MTHFD1L: variants seen among roughly 807,000 people sequenced by gnomAD.
MTHFD1L encodes the protein monofunctional C1-tetrahydrofolate synthase, mitochondrial.
MTHFD1L carries 81 observed loss-of-function variants against 119.5 expected under a neutral mutation model. The ratio of observed to expected loss-of-function variants is 0.68; its 90% confidence interval spans 0.57 to 0.82. The LOEUF (loss-of-function observed/expected upper bound fraction) is 0.82. MTHFD1L is among the 40% of genes least tolerant of loss of function. The pLI is 0.00. For missense variants in MTHFD1L, 1,125 were observed against 1,253.4 expected, an observed-to-expected ratio of 0.90 and a Z score of 1.55; for synonymous variants, 430 against 475.2, an observed-to-expected ratio of 0.90 and a Z score of 1.24.
intron 27 of MTHFD1L, among the ~76,000 whole-genome samples, chr6:151,093,462 G>T (rs1794627486): frequency 1.3e-5 from 2 of 152,032 alleles, no homozygotes. Flanking sequence ...TTCAAGACCA[G>T]CCTGGCCAAG....
chr6:150,967,770 C>T (rs938952955), intron 19 of MTHFD1L, among the ~76,000 whole-genome samples: 2 of 152,138 alleles, frequency 1.3e-5, no homozygotes, highest in African/African-American at 4.8e-5. Context: ...TGCCAGCACG[C>T]CCCACCTGCA....
At chr6:151,043,477 G>A (rs1213099890) in intron 26 of MTHFD1L, among the ~76,000 whole-genome samples, 1 of 151,960 alleles carries the variant, frequency 6.6e-6, no homozygotes, top group African/African-American at 2.4e-5. Flanking sequence ...ATGTTGGCCA[G>A]GCTGGTCTCA....
intron 4 of MTHFD1L, 81 bp downstream of exon 4, chr6:150,877,907 G>T (rs1780724037): frequency 6.6e-7 from 1 of 1,521,552 alleles, no homozygotes. Flanking sequence ...CTTAGTGGTG[G>T]CTGGGACAGA....
chr6:150,922,143 T>G (rs887166119), intron 9 of MTHFD1L, 62 bp from the exon 10 acceptor site: 3 of 1,197,528 alleles, frequency 2.5e-6, no homozygotes, highest in Admixed American at 3.4e-5. Flanking sequence ...TTCCATGGTT[T>G]AAGTGTGTGC....
Position 150,888,619 on chromosome 6 carries a change from G to T in MTHFD1L, c.780+638G>T, listed in dbSNP as rs558931746. Among the ~76,000 whole-genome samples the T allele has an allele frequency of 3.4e-4, 52 of 152,256 alleles. No homozygotes were observed. The Middle Eastern group carries it at 0.01, about 30-fold the overall frequency. ...CATGGAGAAGATGCAATATCTTAAA[G>T]ATACTAATTGTCTGCAAATTTTGTA... On this transcript the variant is annotated intron_variant, in intron 7 of 27. Transcript: ENST00000367321.
chr6:151,036,113 A>G (rs1036119136), intron 25 of MTHFD1L, among the ~76,000 whole-genome samples: 5 of 152,218 alleles, frequency 3.3e-5, no homozygotes, highest in African/African-American at 1.2e-4. Context: ...TCTATCAAGG[A>G]AATATTCCTT....
intron 13 of MTHFD1L, among the ~76,000 whole-genome samples, chr6:150,944,108 T>G (rs578093477): frequency 6.6e-6 from 1 of 152,346 alleles, no homozygotes; most frequent in East Asian, 1.9e-4. Context: ...TTTTCTGATT[T>G]AGGCATTCCT....
intron 26 of MTHFD1L, among the ~76,000 whole-genome samples, chr6:151,083,971 A>G (rs1295503430): frequency 2.0e-5 from 3 of 152,218 alleles, no homozygotes; most frequent in Non-Finnish European, 4.4e-5. Flanking sequence ...GATATGGTGC[A>G]TACAACGTGC....
intron 13 of MTHFD1L, among the ~76,000 whole-genome samples, chr6:150,943,064 C>T (rs879408555): frequency 3.3e-5 from 5 of 151,808 alleles, no homozygotes; most frequent in Non-Finnish European, 7.4e-5. Context: ...GGGCAGATCA[C>T]AAGGTCAGGA....
chr6:151,014,978 C>A lies in MTHFD1L; in HGVS notation c.2406C>A (p.Phe802Leu). Residue 802 changes from phenylalanine (F) to leucine (L), a missense_variant and splice_region_variant, in exon 23 of 28, where the codon TTC (phenylalanine) becomes TTA (leucine). Physicochemically the swap from Phe to Leu is conservative, Grantham distance 22. This residue lies in a region of MTHFD1L where 1,058 missense variants were observed against 1,151.2 expected (regional missense o/e 0.92). Coordinates refer to ENST00000367321, the MANE Select transcript of MTHFD1L (RefSeq NM_015440.5). ...GVPVVVALNV[F>L]KTDTRAEIDL... The stretch of plus-strand genomic sequence containing the variant: ...CCGTTGTGGTGGCTCTGAATGTCTT[C>A]AAGTAAGTCCAGCCTCCTCCTTTAA... 5 of 1,613,542 alleles carry A rather than the reference C, an allele frequency of 3.1e-6. No individual in the cohort carries two copies. Among genetic ancestry groups the A allele is most frequent in the Non-Finnish European group, 4.2e-6 (5 of 1,179,570 alleles).
chr6:150,959,782 G>A (rs937778780), intron 17 of MTHFD1L, among the ~76,000 whole-genome samples: 10 of 152,198 alleles, frequency 6.6e-5, no homozygotes, highest in African/African-American at 1.9e-4. Flanking sequence ...GAGGTGGCCC[G>A]TAGGCTAGTC....
intron 24 of MTHFD1L, among the ~76,000 whole-genome samples, chr6:151,018,764 C>T (rs558249438): frequency 5.3e-5 from 8 of 152,278 alleles, no homozygotes; most frequent in African/African-American, 1.9e-4. Context: ...GGCACAGATT[C>T]CATGCCACAC....
Position 150,890,250 on chromosome 6 carries a change from A to G in MTHFD1L, c.780+2269A>G, listed in dbSNP as rs138948246. ...CCCATATATATACAAAGGTGTGTTT[A>G]CAAATGGTCAGAGCAGCATGTTTAT... On this transcript the variant is annotated intron_variant, in intron 7 of 27. Transcript: ENST00000367321. Among the ~76,000 whole-genome samples, 349 of 152,208 alleles carry G rather than the reference A, an allele frequency of 2.3e-3. 1 individual carries two copies. Among genetic ancestry groups the G allele is most frequent in the African/African-American group, 8.0e-3 (334 of 41,498 alleles).
chr6:150,988,325 G>T (rs568755882), intron 20 of MTHFD1L, among the ~76,000 whole-genome samples: 3 of 152,272 alleles, frequency 2.0e-5, no homozygotes, highest in Non-Finnish European at 2.9e-5. Flanking sequence ...AGAGCATTCA[G>T]CCTGAGGATA....
intron 1 of MTHFD1L, 49 bp downstream of exon 1, chr6:150,866,098 C>G (rs1423045061): frequency 2.0e-6 from 3 of 1,476,528 alleles, no homozygotes; most frequent in Non-Finnish European, 2.7e-6. Context: ...GCTGTGGCCC[C>G]GACCCAGGGG....
chr6:150,978,944 T>TA (rs951312284), intron 20 of MTHFD1L, among the ~76,000 whole-genome samples: 2 of 152,046 alleles, frequency 1.3e-5, no homozygotes, highest in Non-Finnish European at 2.9e-5. Context: ...CCTCTCCCAT[T>TA]AAAAAATAAT....
At chr6:150,996,758 G>C (rs1779856289) in intron 20 of MTHFD1L, among the ~76,000 whole-genome samples, 1 of 152,222 alleles carries the variant, frequency 6.6e-6, no homozygotes, top group South Asian at 2.1e-4. Context: ...GGGGAACTGG[G>C]CTCTCACATT....
At chr6:150,939,262 A>T (rs1190019856) in intron 13 of MTHFD1L, 1 of 156,612 alleles carries the variant, frequency 6.4e-6, no homozygotes, top group Non-Finnish European at 1.4e-5. Context: ...CTGGAATGAC[A>T]CAGAGAGGAT....
At chr6:151,088,704 G>A (rs1562648465) in intron 26 of MTHFD1L, among the ~76,000 whole-genome samples, 2 of 144,852 alleles carry the variant, frequency 1.4e-5, no homozygotes, top group Admixed American at 7.4e-5. Flanking sequence ...TGATCCGCCC[G>A]CCTCGGCCTC....
Sources: allele counts gnomAD v4.1 joint callset (sites outside exome capture counted in the v4.1 genomes callset), GRCh38; gene constraint gnomAD v4.1.1; regional missense constraint gnomAD v4.1.1; transcripts MANE v1.5; gene names NCBI Gene and HGNC (gene_info 2026-07-23, HGNC 2026-07-21).